Variants in BDP1 observed in about 807,000 individuals in gnomAD.
BDP1 encodes the protein transcription factor TFIIIB component B'' homolog.
BDP1 carries 169 observed loss-of-function variants against 266.6 expected under a neutral mutation model. The observed-to-expected ratio is 0.63, with a 90% confidence interval of 0.56 to 0.72. The LOEUF is 0.72. BDP1 is among the 30% of genes least tolerant of loss of function. The probability of loss-of-function intolerance (pLI) is 0.00; values close to 1 mark genes in which losing one functional copy is unlikely to be tolerated. For synonymous variants in BDP1, 1,090 were observed against 1,022.4 expected, an observed-to-expected ratio of 1.07 and a Z score of -1.26; for missense variants, 3,015 against 3,053.8, an observed-to-expected ratio of 0.99 and a Z score of 0.30.
intron 38 of BDP1, among the ~76,000 whole-genome samples, chr5:71,563,272 C>T (rs974267893): frequency 5.3e-5 from 8 of 152,108 alleles, no homozygotes; most frequent in Non-Finnish European, 1.0e-4. Context: ...CTCAGCTTCT[C>T]GATTAGCTGA....
intron 7 of BDP1, among the ~76,000 whole-genome samples, chr5:71,474,830 G>T (rs1333816793): frequency 7.1e-6 from 1 of 141,646 alleles, no homozygotes; most frequent in Non-Finnish European, 1.5e-5. Flanking sequence ...GTAGGCAACA[G>T]AGCAAGACTC....
At chr5:71,535,491 C>T (rs761295376) in intron 26 of BDP1, among the ~76,000 whole-genome samples, 1 of 152,192 alleles carries the variant, frequency 6.6e-6, no homozygotes, top group East Asian at 1.9e-4. Context: ...AGGTGTGAGC[C>T]ACCGTGCCCG....
chr5:71,565,211 G>C lies in BDP1; in HGVS notation c.*326G>C, dbSNP rs1450563538. ...GGGAATGTTGTGGATATATGTCTCTGTATGAATTGCAGTGCAGACAGATTT... is the reference window on the plus strand; with the variant it reads ...GGGAATGTTGTGGATATATGTCTCTCTATGAATTGCAGTGCAGACAGATTT... On this transcript the variant is annotated 3_prime_UTR_variant, in exon 39 of 39. Transcript: ENST00000358731. The C allele has an allele frequency of 5.1e-6, 1 of 196,048 alleles. No homozygotes were observed. Among genetic ancestry groups the C allele is most frequent in the South Asian group, 1.6e-4 (1 of 6,410 alleles). The allele number at this position is 196,048 out of a possible 1,614,324, so 12.1% of individuals were successfully genotyped here.
At chr5:71,517,214 TA>T in intron 21 of BDP1, 107 bp from the exon 22 acceptor site, 1 of 999,530 alleles carries the variant, frequency 1.0e-6, no homozygotes, top group African/African-American at 1.7e-5. Context: ...AATAAAAATT[TA>T]AAAAAGAAAA....
intron 26 of BDP1, among the ~76,000 whole-genome samples, chr5:71,533,468 A>ATTT (rs35347206): frequency 4.8e-5 from 6 of 124,790 alleles, no homozygotes; most frequent in Non-Finnish European, 6.7e-5. Context: ...TGTTCGGTGG[A>ATTT]TTTTTTTTTT....
In BDP1 at chr5:71,455,806, T is replaced by C; in HGVS notation, c.-72T>C. 7.3e-7 allele frequency: 1 copy of C among 1,376,542 alleles called. No individual in the cohort carries two copies. The highest frequency in any genetic ancestry group is 2.3e-5 in the Admixed American group (1 of 43,048). The allele number at this position is 1,376,542 out of a possible 1,614,324, so 85.3% of individuals were successfully genotyped here. A position where few individuals can be genotyped will look rare whatever the true frequency, so the allele number is the denominator to read the frequency against. On this transcript the variant is annotated 5_prime_UTR_variant, in exon 1 of 39. Coordinates refer to ENST00000358731, the MANE Select transcript of BDP1 (RefSeq NM_018429.3). ...GGGAGGGCGTAGTTCCTAATCCCCT[T>C]TCCGGGCAGCCGCCGGGGCTCGGGG...
Position 71,544,524 on chromosome 5 carries a change from G to A in BDP1, c.6563+17G>A. ...AACTGAAAGGTAAAAGAGTGAAGAG[G>A]TTCTGAGATTCAGTTTATATTGTTT... On this transcript the variant is annotated intron_variant, in intron 31 of 38. Coordinates refer to ENST00000358731, the MANE Select transcript of BDP1 (RefSeq NM_018429.3). The A allele has an allele frequency of 6.3e-7, 1 of 1,599,322 alleles. No homozygotes were observed. The highest frequency in any genetic ancestry group is 8.5e-7 in the Non-Finnish European group (1 of 1,175,412).
intron 37 of BDP1, 53 bp from the exon 38 acceptor site, chr5:71,562,221 A>ATAATTTTT: frequency 7.7e-7 from 1 of 1,293,846 alleles, no homozygotes; most frequent in Non-Finnish European, 1.0e-6. Flanking sequence ...AAAAAAAAAA[A>ATAATTTTT]AAGAATGTGT....
At chr5:71,463,769 A>G (rs922594766) in intron 3 of BDP1, among the ~76,000 whole-genome samples, 5 of 151,794 alleles carry the variant, frequency 3.3e-5, no homozygotes, top group African/African-American at 7.3e-5. Context: ...TAGAGGTTAC[A>G]TGGAGCTGAG....
rs1765641942 is a variant in BDP1 at position 71,524,010 on chromosome 5, C to A, written c.5459C>A (p.Thr1820Lys). 1 of 1,614,212 alleles carries A rather than the reference C, an allele frequency of 6.2e-7. No homozygotes were observed. Among genetic ancestry groups the A allele is most frequent in the Admixed American group, 1.7e-5 (1 of 60,030 alleles). ...ALDGKTTISSTSEYERNRGER... is the reference protein window; with the variant it reads ...ALDGKTTISSKSEYERNRGER... Reference sequence around the variant, plus strand: ...GATGGGAAAACAACTATCTCTTCTACATCTGAGTATGAGAGAAATCGTGGT... The same window carrying A: ...GATGGGAAAACAACTATCTCTTCTAAATCTGAGTATGAGAGAAATCGTGGT... The change falls in exon 25 of 39, where the codon ACA becomes AAA. Residue 1820 changes from threonine to lysine, a missense_variant. Around this residue, in one of 3 missense-constraint regions of BDP1, gnomAD observed 2,383 missense variants for 2,404.9 expected, o/e 0.99. Transcript: ENST00000358731.
downstream of BDP1, among the ~76,000 whole-genome samples, chr5:71,571,937 A>G (rs1475323531): frequency 1.3e-5 from 2 of 152,192 alleles, no homozygotes; most frequent in African/African-American, 2.4e-5. Context: ...TGACCAACTC[A>G]GCATTCCACT....
chr5:71,477,226 T>G (rs1277526599), intron 7 of BDP1, among the ~76,000 whole-genome samples: 1 of 151,848 alleles, frequency 6.6e-6, no homozygotes, highest in Admixed American at 6.6e-5. Context: ...GGTGCAACCA[T>G]AGCTCACTGC....
intron 24 of BDP1, among the ~76,000 whole-genome samples, chr5:71,523,438 C>T (rs373847597): frequency 2.6e-5 from 4 of 152,072 alleles, no homozygotes; most frequent in Admixed American, 1.3e-4. Context: ...CTCATCCTCC[C>T]GAGTAGCTGG....
chr5:71,481,601 A>G (rs1762976114), intron 7 of BDP1, among the ~76,000 whole-genome samples: 1 of 152,168 alleles, frequency 6.6e-6, no homozygotes, highest in African/African-American at 2.4e-5. Context: ...TGTTCTGGAA[A>G]ACTGTTAATG....
At chr5:71,463,114 TA>T (rs977846624) in intron 3 of BDP1, among the ~76,000 whole-genome samples, 3 of 150,030 alleles carry the variant, frequency 2.0e-5, no homozygotes, top group Admixed American at 6.7e-5. Context: ...CTGTCTCATT[TA>T]AAAAAAAAAT....
chr5:71,549,397 TACTA>T lies in BDP1; in HGVS notation c.6809-19_6809-16del, dbSNP rs762557688. On this transcript the variant is annotated intron_variant, in intron 33 of 38. Transcript: ENST00000358731. ...TTATTTCATAGTTGAGCTTTTTTAT[TACTA>T]ACTTTTAAACTTTGATAGTGAATCT... The T allele has an allele frequency of 6.4e-7, 1 of 1,571,346 alleles. No individual in the cohort carries two copies. The highest frequency in any genetic ancestry group is 2.2e-5 in the East Asian group (1 of 44,562).
At chr5:71,555,589 G>A (rs1380342960) in intron 35 of BDP1, among the ~76,000 whole-genome samples, 1 of 151,906 alleles carries the variant, frequency 6.6e-6, no homozygotes, top group Non-Finnish European at 1.5e-5. Flanking sequence ...ACAGGCAGCC[G>A]CCACCACGCC....
At chr5:71,537,574 T>G (rs973912186) in intron 26 of BDP1, 1 of 157,418 alleles carries the variant, frequency 6.4e-6, no homozygotes, top group East Asian at 1.9e-4. Flanking sequence ...TCTCTGGGCT[T>G]CATCAGAGGC....
intron 25 of BDP1, among the ~76,000 whole-genome samples, chr5:71,525,537 G>A (rs1765780778): frequency 7.7e-6 from 1 of 130,364 alleles, no homozygotes; most frequent in Non-Finnish European, 1.7e-5. Context: ...GCCGGGCGGG[G>A]GGCTGACCTC....
Sources: allele counts gnomAD v4.1 joint callset (sites outside exome capture counted in the v4.1 genomes callset), GRCh38; gene constraint gnomAD v4.1.1; regional missense constraint gnomAD v4.1.1; transcripts MANE v1.5; gene names NCBI Gene and HGNC (gene_info 2026-07-23, HGNC 2026-07-21).